The following PTPRN2 variants were observed in gnomAD, a reference collection of about 807,000 sequenced individuals.
PTPRN2 encodes the protein receptor-type tyrosine-protein phosphatase N2.
Under a neutral mutation model 118.8 loss-of-function variants are expected in PTPRN2, and 74 were observed. That is an observed-to-expected ratio of 0.62 (90% CI 0.52 to 0.76). The LOEUF is 0.76. Ranked by LOEUF, PTPRN2 falls within the 30% of genes least tolerant of loss-of-function variation. The probability of loss-of-function intolerance (pLI) is 0.00; values close to 1 mark genes in which losing one functional copy is unlikely to be tolerated. For missense variants in PTPRN2, 1,481 were observed against 1,394.4 expected (o/e 1.06, Z -0.99); for synonymous variants, 641 against 608.0 (o/e 1.05, Z -0.80).
At chr7:158,270,742 GAGCCGTCTTCTCCACCT>G in intron 3 of PTPRN2, among the ~76,000 whole-genome samples, 1 of 149,542 alleles carries the variant, frequency 6.7e-6, no homozygotes, top group Admixed American at 6.6e-5. Context: ...TTCTCTACCT[GAGCCGTCTTCTCCACCT>G]GGACCACCCC....
chr7:158,055,469 T>C (rs897561898), intron 11 of PTPRN2, among the ~76,000 whole-genome samples: 1 of 152,164 alleles, frequency 6.6e-6, no homozygotes, highest in East Asian at 1.9e-4. Flanking sequence ...CTCCACCTCT[T>C]GTGGAGTCAG....
rs57802533 is a variant in PTPRN2 at position 158,324,059 on chromosome 7, GCACACA to G, written c.164-7133_164-7128del. Among the ~76,000 whole-genome samples the G allele has an allele frequency of 4.9e-4, 74 of 151,146 alleles. 1 individual carries two copies. Among genetic ancestry groups the G allele is most frequent in the South Asian group, 1.9e-3 (9 of 4,762 alleles). ...CACGTACACACACATTTGCAAACGT[GCACACA>G]CACACACACACACCCAGACACACTA... On this transcript the variant is annotated intron_variant, in intron 2 of 22. Transcript: ENST00000389418.
At chr7:157,946,107 G>T (rs1019914190) in intron 11 of PTPRN2, among the ~76,000 whole-genome samples, 8 of 152,156 alleles carry the variant, frequency 5.3e-5, no homozygotes, top group Non-Finnish European at 1.0e-4. Context: ...TTCCCACTTT[G>T]CCTCTTGTCT....
At chr7:158,326,512 T>C (rs959643473) in intron 2 of PTPRN2, among the ~76,000 whole-genome samples, 2 of 152,220 alleles carry the variant, frequency 1.3e-5, no homozygotes, top group East Asian at 1.9e-4. Flanking sequence ...GCACACACAA[T>C]GTATGCAGAC....
rs188775230 is a variant in PTPRN2 at position 158,261,242 on chromosome 7, A to C, written c.277+55577T>G. The stretch of plus-strand genomic sequence containing the variant: ...GGCCAGGGTCGGCCTGCATGCAGAC[A>C]AGCAGGCCGGGCAGCGGGAAGAAGC... On this transcript the variant is annotated intron_variant, in intron 3 of 22. Coordinates refer to ENST00000389418, the MANE Select transcript of PTPRN2 (RefSeq NM_002847.5). Among the ~76,000 whole-genome samples the C allele has an allele frequency of 9.2e-5, 14 of 152,244 alleles. No individual in the cohort carries two copies. In the East Asian group the frequency reaches 2.7e-3, roughly 30 times the overall value.
At chr7:158,014,510 C>T (rs117505947) in intron 11 of PTPRN2, among the ~76,000 whole-genome samples, 2,008 of 152,006 alleles carry the variant, frequency 0.013, 22 homozygotes, top group Non-Finnish European at 0.019. Context: ...CCTCCATCCA[C>T]GCATCTTTCC....
intron 2 of PTPRN2, among the ~76,000 whole-genome samples, chr7:158,402,474 T>C (rs1313958745): frequency 6.6e-6 from 1 of 152,102 alleles, no homozygotes; most frequent in African/African-American, 2.4e-5. Context: ...TGAATTTACG[T>C]TGGTGGGAGT....
chr7:157,752,053 A>C (rs532098434), intron 12 of PTPRN2, among the ~76,000 whole-genome samples: 148 of 152,234 alleles, frequency 9.7e-4, no homozygotes, highest in African/African-American at 3.5e-3. Context: ...TCTGGTCTTC[A>C]GGCTGCAAGC....
chr7:158,170,946 ATTTAC>A (rs1036393521), intron 5 of PTPRN2, among the ~76,000 whole-genome samples: 4 of 151,224 alleles, frequency 2.6e-5, no homozygotes, highest in Non-Finnish European at 4.4e-5. Flanking sequence ...TATTACAATT[ATTTAC>A]TTTACCTTAT....
intron 12 of PTPRN2, among the ~76,000 whole-genome samples, chr7:157,708,855 A>G (rs902185257): frequency 4.6e-5 from 7 of 152,196 alleles, no homozygotes; most frequent in Admixed American, 2.0e-4. Flanking sequence ...CATAGTCACA[A>G]TTCAATAACA....
intron 3 of PTPRN2, among the ~76,000 whole-genome samples, chr7:158,295,649 G>A (rs1324371595): frequency 2.2e-5 from 3 of 139,104 alleles, no homozygotes; most frequent in East Asian, 4.4e-4. Flanking sequence ...AGCCCATGGG[G>A]CCCGCTGACC....
rs1006613547 is a variant in PTPRN2, at chr7:157,729,553, G to A, written c.1789-46616C>T. Among the ~76,000 whole-genome samples the A allele has an allele frequency of 1.3e-5, 2 of 152,200 alleles. No homozygotes were observed. The highest frequency in any genetic ancestry group is 1.5e-5 in the Non-Finnish European group (1 of 68,032). ...GTCCGAGTGGAGCCTCTGGTGAGCC[G>A]GACACCATCAAACAACATCAGAGCT... On this transcript the variant is annotated intron_variant, in intron 12 of 22. Coordinates refer to ENST00000389418, the MANE Select transcript of PTPRN2 (RefSeq NM_002847.5). The surrounding 1 kb of genome is among the most constrained non-coding windows in gnomAD (Gnocchi z 4.3).
intron 11 of PTPRN2, among the ~76,000 whole-genome samples, chr7:157,908,937 G>A (rs928232564): frequency 3.9e-5 from 6 of 151,964 alleles, no homozygotes. Flanking sequence ...TGTACCCTGT[G>A]TGCAATTACA....
At chr7:158,122,488 G>T (rs556481056) in intron 9 of PTPRN2, among the ~76,000 whole-genome samples, 1 of 152,150 alleles carries the variant, frequency 6.6e-6, no homozygotes, top group Non-Finnish European at 1.5e-5. Flanking sequence ...ACGGGTGGAC[G>T]CATGAGCAGA....
intron 12 of PTPRN2, among the ~76,000 whole-genome samples, chr7:157,824,318 G>C (rs1276575801): frequency 1.3e-5 from 2 of 152,204 alleles, no homozygotes; most frequent in African/African-American, 4.8e-5. Context: ...GCCGACCGCT[G>C]CCAGAGAACC....
At chr7:157,580,829 CCA>C (rs1800330788) in intron 17 of PTPRN2, among the ~76,000 whole-genome samples, 3 of 124,454 alleles carry the variant, frequency 2.4e-5, no homozygotes, top group Non-Finnish European at 3.4e-5. Flanking sequence ...CCTGCACACC[CCA>C]GCACCTGCAC....
chr7:157,861,650 A>G lies in PTPRN2; in HGVS notation c.1788+37023T>C, dbSNP rs954592873. On this transcript the variant is annotated intron_variant, in intron 12 of 22. Transcript: ENST00000389418. This position sits in a 1 kb window ranked among gnomAD's most constrained non-coding sequence, Gnocchi z 5.8. The stretch of plus-strand genomic sequence containing the variant: ...AAACAGTGGATGCCTGCAGTCTCAC[A>G]GGCTGGGTTTGGAGACCTTGCTTGG... Among the ~76,000 whole-genome samples, 1 of 152,202 alleles carries G rather than the reference A, an allele frequency of 6.6e-6. No individual in the cohort carries two copies. The highest frequency in any genetic ancestry group is 2.4e-5 in the African/African-American group (1 of 41,462).
At chr7:158,273,928 A>ACGC (rs1798741014) in intron 3 of PTPRN2, among the ~76,000 whole-genome samples, 2 of 129,400 alleles carry the variant, frequency 1.5e-5, no homozygotes, top group African/African-American at 3.1e-5. Context: ...CCGCAGACAC[A>ACGC]GGGGGAGCCG....
At chr7:158,587,455 G>A (rs1829037830) in intron 1 of PTPRN2, 103 bp downstream of exon 1, 3 of 275,046 alleles carry the variant, frequency 1.1e-5, no homozygotes, top group African/African-American at 1.2e-4. Flanking sequence ...CGACCCCTCA[G>A]GGTGGCGCCT....
Sources: gnomAD v4.1 joint callset for allele counts (sites outside exome capture counted in the v4.1 genomes callset) on GRCh38, gnomAD v4.1.1 for gene constraint, Gnocchi (gnomAD v3.1) non-coding constraint, MANE v1.5 for transcripts, NCBI Gene and HGNC (gene_info 2026-07-23, HGNC 2026-07-21) for gene names.